KLF12: variants seen among roughly 807,000 people sequenced by gnomAD.
KLF12 encodes the protein KLF transcription factor 12.
In KLF12, 9 loss-of-function variants were observed where a neutral mutation model predicts 37.8. The observed-to-expected ratio is 0.24, with a 90% confidence interval of 0.14 to 0.42. The LOEUF is 0.42. Among genes scored for constraint, KLF12 ranks in the 10% least tolerant of loss-of-function variants. The probability of loss-of-function intolerance (pLI) is 1.00; values close to 1 mark genes in which losing one functional copy is unlikely to be tolerated. For missense variants in KLF12, 411 were observed against 516.0 expected, an observed-to-expected ratio of 0.80 and a Z score of 1.97; for synonymous variants, 208 against 202.1, an observed-to-expected ratio of 1.03 and a Z score of -0.25.
intron 1 of KLF12, among the ~76,000 whole-genome samples, chr13:74,100,490 C>A (rs534646802): frequency 3.4e-4 from 51 of 151,936 alleles, no homozygotes; most frequent in African/African-American, 1.2e-3. Context: ...TGGTGGCAGG[C>A]GCCTGTAATC....
At chr13:74,151,812 A>G in the KLF12 span, among the ~76,000 whole-genome samples, 1 of 152,214 alleles carries the variant, frequency 6.6e-6, no homozygotes, top group East Asian at 1.9e-4. Flanking sequence ...ATTTGAAGAC[A>G]TTACGGTAAT....
At chr13:74,145,549 G>C in the KLF12 span, among the ~76,000 whole-genome samples, 1 of 152,108 alleles carries the variant, frequency 6.6e-6, no homozygotes, top group East Asian at 1.9e-4. Context: ...CTCTTTTTGT[G>C]CATGTGTATT....
chr13:73,866,205 A>T (rs542229633), intron 3 of KLF12, among the ~76,000 whole-genome samples: 14 of 152,170 alleles, frequency 9.2e-5, no homozygotes, highest in Non-Finnish European at 1.9e-4. Context: ...CAGTGAGCTG[A>T]GATCACGCCA....
intron 1 of KLF12, among the ~76,000 whole-genome samples, chr13:74,125,166 T>TACACACAC (rs374663142): frequency 7.2e-6 from 1 of 138,802 alleles, no homozygotes; most frequent in African/African-American, 2.6e-5. Context: ...TATATATATA[T>TACACACAC]ACACACACAC....
chr13:74,009,107 G>C (rs542060514), intron 1 of KLF12, among the ~76,000 whole-genome samples: 3 of 152,292 alleles, frequency 2.0e-5, no homozygotes, highest in African/African-American at 7.2e-5. Flanking sequence ...TGAGTAGAGA[G>C]GATTTCTTTT....
intron 1 of KLF12, among the ~76,000 whole-genome samples, chr13:74,079,230 G>A (rs1874742864): frequency 1.3e-5 from 2 of 152,120 alleles, no homozygotes; most frequent in South Asian, 4.1e-4. Flanking sequence ...GGGCTGAGGG[G>A]AATGAGAAGT....
chr13:73,906,708 C>T (rs1031694636), intron 3 of KLF12, among the ~76,000 whole-genome samples: 2 of 152,140 alleles, frequency 1.3e-5, no homozygotes, highest in Non-Finnish European at 1.5e-5. Flanking sequence ...AATGTCCTAC[C>T]TCCTCATCAA....
the KLF12 span, among the ~76,000 whole-genome samples, chr13:74,241,978 C>G: frequency 2.0e-5 from 3 of 152,086 alleles, no homozygotes; most frequent in Non-Finnish European, 4.4e-5. Flanking sequence ...CCCCAGGTAC[C>G]GAATTTTTAA....
intron 3 of KLF12, among the ~76,000 whole-genome samples, chr13:73,855,968 G>C (rs1276377591): frequency 6.6e-6 from 1 of 152,176 alleles, no homozygotes; most frequent in Admixed American, 6.5e-5. Flanking sequence ...GTGTTTCTGA[G>C]GATCCCAGAG....
At chr13:74,231,494 A>T in the KLF12 span, 1 of 152,192 alleles carries the variant, frequency 6.6e-6, no homozygotes, top group East Asian at 1.9e-4. Flanking sequence ...TGTCAATGAG[A>T]TTGAGGGCTT....
chr13:73,766,923 G>A (rs938590873), intron 5 of KLF12, among the ~76,000 whole-genome samples: 2 of 152,128 alleles, frequency 1.3e-5, no homozygotes, highest in Non-Finnish European at 2.9e-5. Context: ...ACTGCAAATG[G>A]AGAATTTCTA....
chr13:73,704,522 A>G (rs891430322), intron 7 of KLF12, among the ~76,000 whole-genome samples: 1 of 152,084 alleles, frequency 6.6e-6, no homozygotes, highest in Non-Finnish European at 1.5e-5. Context: ...CAATCCTCCC[A>G]GTTTATCCCC....
chr13:74,172,866 T>C, the KLF12 span, among the ~76,000 whole-genome samples: 1 of 152,306 alleles, frequency 6.6e-6, no homozygotes, highest in East Asian at 1.9e-4. Context: ...AATACCTGCC[T>C]CAGGTCCACC....
chr13:73,766,789 C>T (rs575870314), intron 5 of KLF12, among the ~76,000 whole-genome samples: 2 of 152,230 alleles, frequency 1.3e-5, no homozygotes, highest in South Asian at 4.1e-4. Context: ...CAGAAGTATT[C>T]TCTTATTGAT....
At chr13:74,269,639 T>C in the KLF12 span, among the ~76,000 whole-genome samples, 3 of 152,208 alleles carry the variant, frequency 2.0e-5, no homozygotes, top group East Asian at 1.9e-4. Context: ...AGATTTTAAT[T>C]AGTGAAGGAG....
At position 73,690,190 on chromosome 13, in the gene KLF12, G is replaced by A. The variant is rs1011010929; in HGVS notation, c.*5300C>T. 3.3e-5 allele frequency: 5 copies of A among 152,548 alleles called. No homozygotes were observed. Among genetic ancestry groups the A allele is most frequent in the Admixed American group, 6.5e-5 (1 of 15,270 alleles). 9.4% of individuals were successfully genotyped at this position (152,548 alleles called of 1,614,324 possible). Reference sequence around the variant, plus strand: ...CCCAGTCTTATTAAGAATTATTGCTGTGTAAAAGTATAGGAATATCTCATT... The same window carrying A: ...CCCAGTCTTATTAAGAATTATTGCTATGTAAAAGTATAGGAATATCTCATT... On this transcript the variant is annotated 3_prime_UTR_variant, in exon 8 of 8. Transcript: ENST00000377669.
intron 1 of KLF12, among the ~76,000 whole-genome samples, chr13:74,078,377 A>C (rs942156260): frequency 6.6e-6 from 1 of 152,206 alleles, no homozygotes; most frequent in Non-Finnish European, 1.5e-5. Flanking sequence ...CAAAAACCAT[A>C]TTACTAAAAA....
intron 6 of KLF12, among the ~76,000 whole-genome samples, chr13:73,753,744 A>C (rs1355549783): frequency 6.6e-6 from 1 of 152,196 alleles, no homozygotes; most frequent in African/African-American, 2.4e-5. Context: ...TAAATACTTA[A>C]ATTAAGGATT....
At chr13:73,775,208 G>A (rs910677540) in intron 5 of KLF12, among the ~76,000 whole-genome samples, 1 of 152,078 alleles carries the variant, frequency 6.6e-6, no homozygotes, top group African/African-American at 2.4e-5. Flanking sequence ...ATGAGCCACT[G>A]TGCCCGGCCT....
Sources: allele counts gnomAD v4.1 joint callset (sites outside exome capture counted in the v4.1 genomes callset), GRCh38; gene constraint gnomAD v4.1.1; transcripts MANE v1.5; gene names NCBI Gene and HGNC (gene_info 2026-07-23, HGNC 2026-07-21).